The following GFRA1 variants were observed in gnomAD, a reference collection of about 807,000 sequenced individuals.
GFRA1 encodes GDNF family receptor alpha 1, also known as GDNF family receptor alpha-1.
GFRA1 carries 16 observed loss-of-function variants against 51.6 expected under a neutral mutation model. That is an observed-to-expected ratio of 0.31 (90% confidence interval 0.21 to 0.47). The LOEUF (loss-of-function observed/expected upper bound fraction) is 0.47. Ranked by LOEUF, GFRA1 falls within the 20% of genes least tolerant of loss-of-function variation. The pLI is 1.00. For synonymous variants in GFRA1, 270 were observed against 241.3 expected (o/e 1.12, Z -1.10); for missense variants, 530 against 594.3 (o/e 0.89, Z 1.13).
At chr10:116,126,938 C>T (rs570179885) in intron 5 of GFRA1, among the ~76,000 whole-genome samples, 40 of 152,194 alleles carry the variant, frequency 2.6e-4, no homozygotes, top group African/African-American at 9.4e-4. Flanking sequence ...TCCTACAATG[C>T]GTAACAACAT....
chr10:116,250,890 G>T (rs887502963), intron 4 of GFRA1, among the ~76,000 whole-genome samples: 3 of 152,178 alleles, frequency 2.0e-5, no homozygotes, highest in Non-Finnish European at 2.9e-5. Flanking sequence ...CACCTTACTA[G>T]CTCCACTGTT....
chr10:116,092,286 C>G (rs530634943), intron 8 of GFRA1, among the ~76,000 whole-genome samples: 17 of 152,166 alleles, frequency 1.1e-4, no homozygotes, highest in African/African-American at 3.9e-4. Context: ...TTAAGAGGCC[C>G]AAAGCAATTG....
chr10:116,129,532 A>G (rs1958017347), intron 5 of GFRA1, among the ~76,000 whole-genome samples: 1 of 152,186 alleles, frequency 6.6e-6, no homozygotes, highest in African/African-American at 2.4e-5. Context: ...TCAATCTGAT[A>G]CAGAGCAGCT....
intron 4 of GFRA1, among the ~76,000 whole-genome samples, chr10:116,230,289 G>A (rs1966595697): frequency 6.6e-6 from 1 of 152,142 alleles, no homozygotes; most frequent in Non-Finnish European, 1.5e-5. Flanking sequence ...TAATTCTTAT[G>A]CTATCCCTGA....
At chr10:116,076,958 C>T (rs971507691) in intron 9 of GFRA1, among the ~76,000 whole-genome samples, 3 of 152,120 alleles carry the variant, frequency 2.0e-5, no homozygotes, top group African/African-American at 4.8e-5. Flanking sequence ...TTGTATTACT[C>T]GTAATGAGAA....
At chr10:116,266,698 C>A (rs531454010) in intron 4 of GFRA1, among the ~76,000 whole-genome samples, 4 of 152,134 alleles carry the variant, frequency 2.6e-5, no homozygotes, top group African/African-American at 4.8e-5. Flanking sequence ...AGCTGGCCTG[C>A]GAATGGGATC....
At chr10:116,214,081 G>A (rs779926249) in intron 4 of GFRA1, among the ~76,000 whole-genome samples, 4 of 150,924 alleles carry the variant, frequency 2.7e-5, no homozygotes, top group Non-Finnish European at 4.4e-5. Context: ...TGTGAGAACC[G>A]TGTACAGCTC....
chr10:116,082,934 T>A (rs546847616), intron 9 of GFRA1, among the ~76,000 whole-genome samples: 2 of 152,182 alleles, frequency 1.3e-5, no homozygotes, highest in Admixed American at 1.3e-4. Flanking sequence ...ATGCCAATAG[T>A]GGAGGCCACT....
intron 4 of GFRA1, among the ~76,000 whole-genome samples, chr10:116,261,017 T>A (rs1969260382): frequency 6.6e-6 from 1 of 152,340 alleles, no homozygotes; most frequent in Non-Finnish European, 1.5e-5. Context: ...CCACTAGTTC[T>A]TGTTGCCAGA....
intron 5 of GFRA1, among the ~76,000 whole-genome samples, chr10:116,159,038 C>A (rs549321089): frequency 6.6e-6 from 1 of 152,336 alleles, no homozygotes; most frequent in East Asian, 1.9e-4. Flanking sequence ...AGTCATCAGG[C>A]GTGATACAGC....
rs1401779994 is a variant in GFRA1, at chr10:116,272,613, T to TGGC, written c.-246-341_-246-339dup. On this transcript the variant is annotated intron_variant, in intron 1 of 10. Transcript: ENST00000355422. The surrounding 1 kb of genome is among the most constrained non-coding windows in gnomAD (Gnocchi z 4.4). The stretch of plus-strand genomic sequence containing the variant: ...AGCTGCCTGGAGTCCGAGCCCTCGG[T>TGGC]GGCGGCGGCGGCAGCTCCCTAGCCA... 3 of 152,442 alleles carry TGGC rather than the reference T, an allele frequency of 2.0e-5. No individual in the cohort carries two copies. Among genetic ancestry groups the TGGC allele is most frequent in the African/African-American group, 4.8e-5 (2 of 41,412 alleles). The allele number at this position is 152,442 out of a possible 1,614,324, so 9.4% of individuals were successfully genotyped here.
At chr10:116,089,994 A>G in intron 8 of GFRA1, 72 bp from the exon 9 acceptor site, 1 of 1,330,800 alleles carries the variant, frequency 7.5e-7, no homozygotes, top group South Asian at 1.2e-5. Flanking sequence ...ATACACAGCC[A>G]GAGAGGCACA....
In GFRA1 at chr10:116,069,107, G is replaced by A. The variant is rs1355055872; in HGVS notation, c.1198-3481C>T. Among the ~76,000 whole-genome samples the A allele has an allele frequency of 9.9e-5, 15 of 152,202 alleles. No homozygotes were observed. In the South Asian group the frequency reaches 1.2e-3, roughly 13 times the overall value. Reference sequence around the variant, plus strand: ...ATGATTATGAGAAATGCAGAGAGCCGAAAAAGAGCTCAGCCAGCCGGTACC... The same window carrying A: ...ATGATTATGAGAAATGCAGAGAGCCAAAAAAGAGCTCAGCCAGCCGGTACC... On this transcript the variant is annotated intron_variant, in intron 9 of 10. Transcript: ENST00000355422.
chr10:116,209,849 T>C (rs1965053473), intron 5 of GFRA1, among the ~76,000 whole-genome samples: 2 of 151,994 alleles, frequency 1.3e-5, no homozygotes, highest in Non-Finnish European at 2.9e-5. Flanking sequence ...TTGCCATTAT[T>C]TTAGAGAATG....
chr10:116,077,241 AAG>A (rs148026074), intron 9 of GFRA1, among the ~76,000 whole-genome samples: 144 of 152,322 alleles, frequency 9.5e-4, no homozygotes, highest in African/African-American at 3.3e-3. Flanking sequence ...TTAGGGATAA[AAG>A]AGTTTTTAAA....
intron 9 of GFRA1, among the ~76,000 whole-genome samples, chr10:116,088,283 C>T (rs1203648444): frequency 1.6e-5 from 1 of 61,398 alleles, no homozygotes; most frequent in African/African-American, 7.2e-5. Flanking sequence ...TCTAGTGAGG[C>T]TGACCCTTGA....
chr10:116,164,680 A>G (rs1162121670), intron 5 of GFRA1, among the ~76,000 whole-genome samples: 3 of 152,180 alleles, frequency 2.0e-5, no homozygotes, highest in Non-Finnish European at 4.4e-5. Context: ...AATTTATTCT[A>G]TGGACTACTT....
chr10:116,145,534 G>T (rs1291132731), intron 5 of GFRA1, among the ~76,000 whole-genome samples: 1 of 152,158 alleles, frequency 6.6e-6, no homozygotes, highest in East Asian at 1.9e-4. Flanking sequence ...GCATTGAGAA[G>T]GGTGATCTTT....
chr10:116,098,650 C>G (rs1488234200), intron 6 of GFRA1, among the ~76,000 whole-genome samples: 1 of 152,160 alleles, frequency 6.6e-6, no homozygotes, highest in Non-Finnish European at 1.5e-5. Flanking sequence ...CCCGGCCTGT[C>G]CCCCAGAGAC....
Sources: gnomAD v4.1 joint callset for allele counts (sites outside exome capture counted in the v4.1 genomes callset) on GRCh38, gnomAD v4.1.1 for gene constraint, Gnocchi (gnomAD v3.1) non-coding constraint, MANE v1.5 for transcripts, NCBI Gene and HGNC (gene_info 2026-07-23, HGNC 2026-07-21) for gene names.